Variants in INTS6 observed in about 807,000 individuals in gnomAD.
INTS6 encodes DEAD box protein.
A neutral mutation model predicts 104.9 loss-of-function variants in INTS6; 16 were observed. The ratio of observed to expected loss-of-function variants is 0.15; its 90% CI spans 0.10 to 0.23. The LOEUF (loss-of-function observed/expected upper bound fraction) is 0.23, where lower values mean the gene tolerates loss of function less well. INTS6 is among the 10% of genes least tolerant of loss of function. The pLI is 1.00. For missense variants in INTS6, 584 were observed against 1,062.8 expected, an observed-to-expected ratio of 0.55 and a Z score of 6.26; for synonymous variants, 324 against 358.7, an observed-to-expected ratio of 0.90 and a Z score of 1.09.
intron 16 of INTS6, among the ~76,000 whole-genome samples, chr13:51,368,365 C>A (rs1464906009): frequency 6.6e-6 from 1 of 152,100 alleles, no homozygotes; most frequent in Non-Finnish European, 1.5e-5. Context: ...ACTCCAAGGA[C>A]TGATTTGTTC....
At chr13:51,334,982 CAAAAAAAAAAAA>C in the INTS6 span, among the ~76,000 whole-genome samples, 80 of 70,824 alleles carry the variant, frequency 1.1e-3, no homozygotes, top group African/African-American at 1.9e-3. Flanking sequence ...GACTCCGTCT[CAAAAAAAAAAAA>C]AAAAAAAAAG....
intron 4 of INTS6, among the ~76,000 whole-genome samples, chr13:51,424,672 T>C (rs1170454751): frequency 2.0e-5 from 3 of 152,014 alleles, no homozygotes; most frequent in African/African-American, 7.2e-5. Context: ...TATACAGTAG[T>C]GTTATGCATG....
chr13:51,424,521 C>G (rs191183529), intron 4 of INTS6, among the ~76,000 whole-genome samples: 4 of 151,810 alleles, frequency 2.6e-5, no homozygotes, highest in African/African-American at 4.8e-5. Flanking sequence ...TGTATATATT[C>G]CTATAACATA....
chr13:51,347,173 C>G, the INTS6 span: 1 of 1,614,020 alleles, frequency 6.2e-7, no homozygotes, highest in Non-Finnish European at 8.5e-7. Context: ...TGCCTTTCAC[C>G]TGTGCCTATG....
rs1317513776 is a variant in INTS6 at position 51,363,451 on chromosome 13, T to C, written c.*2301A>G. Reference sequence around the variant, plus strand: ...GCCTTCATTATTTCCAACTGACAAATCTTACTAAGAGCAACTAATGAATCA... The same window carrying C: ...GCCTTCATTATTTCCAACTGACAAACCTTACTAAGAGCAACTAATGAATCA... On this transcript the variant is annotated 3_prime_UTR_variant, in exon 18 of 18. Transcript: ENST00000311234. 6.6e-6 allele frequency: 1 copy of C among 151,624 alleles called. No individual in the cohort carries two copies. Among genetic ancestry groups the C allele is most frequent in the African/African-American group, 2.4e-5 (1 of 41,280 alleles). The allele number at this position is 151,624 out of a possible 1,614,324, so 9.4% of individuals were successfully genotyped here.
At chr13:51,433,064 A>AC (rs1957125222) in intron 3 of INTS6, among the ~76,000 whole-genome samples, 1 of 152,200 alleles carries the variant, frequency 6.6e-6, no homozygotes, top group Non-Finnish European at 1.5e-5. Flanking sequence ...CCTTTCAAAA[A>AC]AAAATCAGCA....
chr13:51,383,571 G>A lies in INTS6; in HGVS notation c.1047+18C>T, dbSNP rs1956089589. ...GCCTCATTTAAATTTTGGGGTCACT[G>A]TAAGTTGTTCAGCTTACCTGCCAAC... On this transcript the variant is annotated intron_variant, in intron 8 of 17. Transcript: ENST00000311234. 1.9e-6 allele frequency: 3 copies of A among 1,611,698 alleles called. No homozygotes were observed. The highest frequency in any genetic ancestry group is 1.7e-5 in the Admixed American group (1 of 59,808).
At chr13:51,383,276 T>G in intron 9 of INTS6, 53 bp downstream of exon 9, 1 of 1,484,916 alleles carries the variant, frequency 6.7e-7, no homozygotes, top group Non-Finnish European at 9.1e-7. Flanking sequence ...GAAATGCGCT[T>G]TAGGAGAACT....
At chr13:51,376,984 A>G (rs769876584) in intron 12 of INTS6, among the ~76,000 whole-genome samples, 1 of 152,200 alleles carries the variant, frequency 6.6e-6, no homozygotes, top group Non-Finnish European at 1.5e-5. Flanking sequence ...ACTTCTTAAG[A>G]AAATATCAAC....
At chr13:51,409,312 AATAGT>A (rs1956639559) in intron 4 of INTS6, among the ~76,000 whole-genome samples, 1 of 147,274 alleles carries the variant, frequency 6.8e-6, no homozygotes, top group Non-Finnish European at 1.5e-5. Flanking sequence ...TAATAATAAT[AATAGT>A]ATAACTTCAA....
chr13:51,418,503 C>T (rs1247952277), intron 4 of INTS6, among the ~76,000 whole-genome samples: 1 of 151,954 alleles, frequency 6.6e-6, no homozygotes, highest in East Asian at 1.9e-4. Flanking sequence ...TTCTAGGCAA[C>T]AAAGCAAGAT....
At chr13:51,439,584 T>C (rs1952755506) in intron 3 of INTS6, 1 of 152,222 alleles carries the variant, frequency 6.6e-6, no homozygotes, top group Non-Finnish European at 1.5e-5. Context: ...AGGAATTATA[T>C]ATTTTACACT....
chr13:51,338,869 G>A, the INTS6 span, among the ~76,000 whole-genome samples: 1 of 152,220 alleles, frequency 6.6e-6, no homozygotes, highest in African/African-American at 2.4e-5. Flanking sequence ...ACAGATGCCT[G>A]AGAGATAATT....
At chr13:51,443,545 A>C (rs1444571614) in intron 3 of INTS6, 1 of 152,134 alleles carries the variant, frequency 6.6e-6, no homozygotes, top group Non-Finnish European at 1.5e-5. Flanking sequence ...ACTAAACAAA[A>C]ATAAAGTTTA....
chr13:51,375,295 T>C (rs1224933348), intron 13 of INTS6, among the ~76,000 whole-genome samples: 1 of 144,026 alleles, frequency 6.9e-6, no homozygotes, highest in Admixed American at 7.2e-5. Context: ...GAGGTTGCAG[T>C]GAGCCGAGAT....
chr13:51,405,435 C>A (rs977739980), intron 4 of INTS6, among the ~76,000 whole-genome samples: 1 of 152,184 alleles, frequency 6.6e-6, no homozygotes, highest in Non-Finnish European at 1.5e-5. Context: ...AGGAAATTTT[C>A]TTCGTTCCCC....
Position 51,452,189 on chromosome 13 carries a change from C to T in INTS6, c.112-134G>A, listed in dbSNP as rs1593790862. The T allele has an allele frequency of 2.0e-5, 16 of 817,056 alleles. No individual in the cohort carries two copies. In the East Asian group the frequency reaches 4.5e-4, roughly 23 times the overall value. The allele number at this position is 817,056 out of a possible 1,614,324, so 50.6% of individuals were successfully genotyped here. ...CGCAGCGGCCACCCCTCCACGCCGT[C>T]CCCCACACACAGATCGCTCCCCACA... On this transcript the variant is annotated intron_variant, in intron 1 of 17. Coordinates refer to ENST00000311234, the MANE Select transcript of INTS6 (RefSeq NM_012141.3). The surrounding 1 kb of genome is among the most constrained non-coding windows in gnomAD (Gnocchi z 4.2).
rs1956312356 is a variant in INTS6 at position 51,395,120 on chromosome 13, T to C, written c.613+180A>G. On this transcript the variant is annotated intron_variant, in intron 5 of 17. Transcript: ENST00000311234. Reference sequence around the variant, plus strand: ...TGTCATGTCCAATAGTAACCCACATTCTATTCAAATGAAGATCATAGACCA... The same window carrying C: ...TGTCATGTCCAATAGTAACCCACATCCTATTCAAATGAAGATCATAGACCA... Among the ~76,000 whole-genome samples the C allele has an allele frequency of 3.3e-5, 5 of 152,352 alleles. No homozygotes were observed. In the South Asian group the frequency reaches 1.0e-3, roughly 32 times the overall value.
In INTS6 at chr13:51,452,613, C is replaced by A. The variant is rs1953088272; in HGVS notation, c.-88G>T. Reference sequence around the variant, plus strand: ...GCGCCGGTGGCGGCGACCGCCGCTACGCGGGGCGGGGGAGCACGGCCCCCG... The same window carrying A: ...GCGCCGGTGGCGGCGACCGCCGCTAAGCGGGGCGGGGGAGCACGGCCCCCG... On this transcript the variant is annotated 5_prime_UTR_variant, in exon 1 of 18. Coordinates refer to ENST00000311234, the MANE Select transcript of INTS6 (RefSeq NM_012141.3). This position sits in a 1 kb window ranked among gnomAD's most constrained non-coding sequence, Gnocchi z 4.2. 1 of 1,546,818 alleles carries A rather than the reference C, an allele frequency of 6.5e-7. No individual in the cohort carries two copies. Among genetic ancestry groups the A allele is most frequent in the South Asian group, 1.1e-5 (1 of 88,244 alleles).
Sources: gnomAD v4.1 joint callset for allele counts (sites outside exome capture counted in the v4.1 genomes callset) on GRCh38, gnomAD v4.1.1 for gene constraint, Gnocchi (gnomAD v3.1) non-coding constraint, MANE v1.5 for transcripts, NCBI Gene and HGNC (gene_info 2026-07-23, HGNC 2026-07-21) for gene names.